The following RNPEP variants were observed in gnomAD, a reference collection of about 807,000 sequenced individuals.
RNPEP encodes aminopeptidase B.
In RNPEP, 57 loss-of-function variants were observed where a neutral mutation model predicts 70.1. That is an observed-to-expected ratio of 0.81 (90% CI 0.66 to 1.01). The LOEUF (loss-of-function observed/expected upper bound fraction) is 1.01. RNPEP is among the 50% of genes least tolerant of loss of function. The probability of loss-of-function intolerance (pLI) is 0.00; values close to 1 mark genes in which losing one functional copy is unlikely to be tolerated. For synonymous variants in RNPEP, 335 were observed against 357.4 expected (o/e 0.94, Z 0.71); for missense variants, 787 against 852.4 (o/e 0.92, Z 0.96).
At chr1:201,996,745 T>A (rs1410042619) in intron 4 of RNPEP, among the ~76,000 whole-genome samples, 1 of 152,062 alleles carries the variant, frequency 6.6e-6, no homozygotes, top group Non-Finnish European at 1.5e-5. Context: ...CTGTCCACCT[T>A]GGTCCCAAAG....
chr1:201,983,504 C>T (rs1558257267), intron 1 of RNPEP: 2 of 1,338,568 alleles, frequency 1.5e-6, no homozygotes, highest in Non-Finnish European at 2.0e-6. Flanking sequence ...CCCTCTTGGA[C>T]TTTTGGGCCG....
chr1:202,005,972 CG>C lies in RNPEP; in HGVS notation c.*259del. The C allele has an allele frequency of 2.2e-6, 1 of 464,666 alleles. No homozygotes were observed. The allele number at this position is 464,666 out of a possible 1,614,324, so 28.8% of individuals were successfully genotyped here. On this transcript the variant is annotated 3_prime_UTR_variant, in exon 11 of 11. Coordinates refer to ENST00000295640, the MANE Select transcript of RNPEP (RefSeq NM_020216.4). ...ACAGGCTGCAGGCACTGCAGGGCAG[CG>C]GGTATTCTCCTCCCCACCTAAGTCT...
At position 201,982,861 on chromosome 1, in the gene RNPEP, G is replaced by A. The variant is rs1682987889; in HGVS notation, c.195G>A (p.Leu65=). 2.2e-6 allele frequency: 3 copies of A among 1,386,374 alleles called. No individual in the cohort carries two copies. In the East Asian group the frequency reaches 9.2e-5, roughly 42 times the overall value. The allele number at this position is 1,386,374 out of a possible 1,614,324, so 85.9% of individuals were successfully genotyped here. The change falls in exon 1 of 11, where the codon CTG becomes CTA. Residue 65 remains leucine (L), a synonymous_variant. Transcript: ENST00000295640. ...GSRGLSGTAV[L]DLRCLEPEGA... is the part of the protein sequence containing the mutation. Reference sequence around the variant, plus strand: ...GGGGGCTGAGCGGCACCGCGGTCCTGGACCTGCGCTGCCTGGAGCCCGAGG... The same window carrying A: ...GGGGGCTGAGCGGCACCGCGGTCCTAGACCTGCGCTGCCTGGAGCCCGAGG...
In RNPEP at chr1:201,988,795, A is replaced by G. The variant is rs193280563; in HGVS notation, c.448-109A>G. On this transcript the variant is annotated intron_variant, in intron 1 of 10. Coordinates refer to ENST00000295640, the MANE Select transcript of RNPEP (RefSeq NM_020216.4). ...GTTCAAACCAGACTGGCTGGCGGAA[A>G]GGTTTTAAGGATTACCTAAAATTCT... is the stretch of plus-strand genomic sequence containing the variant. 24 of 1,334,728 alleles carry G rather than the reference A, an allele frequency of 1.8e-5. No individual in the cohort carries two copies. In the African/African-American group the frequency reaches 2.8e-4, roughly 16 times the overall value. 82.7% of individuals were successfully genotyped at this position (1,334,728 alleles called of 1,614,324 possible).
rs1175737504 is a variant in RNPEP at position 202,003,450 on chromosome 1, C to T, written c.1640C>T (p.Pro547Leu). The change falls in exon 9 of 11, where the codon CCT (proline) becomes CTT (leucine). Residue 547 changes from proline to leucine, a missense_variant. Transcript: ENST00000295640. ...YFLDKILQKSPLPPGNVKKLG... is the reference protein window; with the variant it reads ...YFLDKILQKSLLPPGNVKKLG... Reference sequence around the variant, plus strand: ...CTGGATAAGATCCTCCAGAAATCCCCTCTCCCTCCTGGTAAGAAAAAATGG... The same window carrying T: ...CTGGATAAGATCCTCCAGAAATCCCTTCTCCCTCCTGGTAAGAAAAAATGG... The T allele has an allele frequency of 1.9e-6, 3 of 1,612,042 alleles. No individual in the cohort carries two copies. The highest frequency in any genetic ancestry group is 1.7e-6 in the Non-Finnish European group (2 of 1,178,424).
chr1:202,005,989 A>G lies in RNPEP; in HGVS notation c.*273A>G, dbSNP rs923380210. 1 of 409,350 alleles carries G rather than the reference A, an allele frequency of 2.4e-6. No homozygotes were observed. Among genetic ancestry groups the G allele is most frequent in the Non-Finnish European group, 4.5e-6 (1 of 224,706 alleles). 25.4% of individuals were successfully genotyped at this position (409,350 alleles called of 1,614,324 possible). A position where few individuals can be genotyped will look rare whatever the true frequency, so the allele number is the denominator to read the frequency against. ...CAGGGCAGCGGGTATTCTCCTCCCC[A>G]CCTAAGTCTCTGGGAAGAAGTGGAG... On this transcript the variant is annotated 3_prime_UTR_variant, in exon 11 of 11. Coordinates refer to ENST00000295640, the MANE Select transcript of RNPEP (RefSeq NM_020216.4).
chr1:201,983,360 C>T (rs540194094), intron 1 of RNPEP: 1 of 1,496,130 alleles, frequency 6.7e-7, no homozygotes, highest in Non-Finnish European at 8.9e-7. Context: ...TCACCCTTTC[C>T]GTCCTTCCGC....
Position 201,988,261 on chromosome 1 carries a change from A to G in RNPEP, c.448-643A>G, listed in dbSNP as rs188354893. On this transcript the variant is annotated intron_variant, in intron 1 of 10. Coordinates refer to ENST00000295640, the MANE Select transcript of RNPEP (RefSeq NM_020216.4). ...GGTTGCTTGAGGCCAGGAGTTGGAG[A>G]CCAGCCTGGCCAACATGGTGAAACC... is the stretch of plus-strand genomic sequence containing the variant. Among the ~76,000 whole-genome samples the G allele has an allele frequency of 1.5e-3, 232 of 151,756 alleles. 1 individual carries two copies. Among genetic ancestry groups the G allele is most frequent in the African/African-American group, 5.3e-3 (221 of 41,382 alleles).
At chr1:201,989,110 A>G in intron 2 of RNPEP, 66 bp downstream of exon 2, 1 of 1,554,952 alleles carries the variant, frequency 6.4e-7, no homozygotes, top group South Asian at 1.2e-5. Flanking sequence ...TCTATCAATC[A>G]GGTCACGTTT....
Position 201,982,876 on chromosome 1 carries a change from G to A in RNPEP, c.210G>A (p.Leu70=). The A allele has an allele frequency of 7.1e-7, 1 of 1,401,848 alleles. No homozygotes were observed. The allele number at this position is 1,401,848 out of a possible 1,614,324, so 86.8% of individuals were successfully genotyped here. ...CCGCGGTCCTGGACCTGCGCTGCCTGGAGCCCGAGGGCGCCGCCGAGCTGC... is the reference window on the plus strand; with the variant it reads ...CCGCGGTCCTGGACCTGCGCTGCCTAGAGCCCGAGGGCGCCGCCGAGCTGC... ...SGTAVLDLRC[L]EPEGAAELRL... The change falls in exon 1 of 11, where the codon CTG becomes CTA. Residue 70 remains leucine, a synonymous_variant. Coordinates refer to ENST00000295640, the MANE Select transcript of RNPEP (RefSeq NM_020216.4).
rs1054932523 is a variant in RNPEP at position 202,002,502 on chromosome 1, C to T, written c.1426+735C>T. Among the ~76,000 whole-genome samples the T allele has an allele frequency of 1.2e-4, 18 of 152,156 alleles. 1 individual carries two copies. The highest frequency in any genetic ancestry group is 3.4e-4 in the African/African-American group (14 of 41,454). On this transcript the variant is annotated intron_variant, in intron 8 of 10. Coordinates refer to ENST00000295640, the MANE Select transcript of RNPEP (RefSeq NM_020216.4). ...GGAGGTACCACTTCCAAAGAAAAAA[C>T]GAAAAATGTCCTGTCATGGAAGACA...
At chr1:201,983,247 T>C (rs1683005728) in intron 1 of RNPEP, 134 bp downstream of exon 1, 1 of 1,429,796 alleles carries the variant, frequency 7.0e-7, no homozygotes, top group South Asian at 1.5e-5. Flanking sequence ...AGGGGCCTAC[T>C]CCCCGCGCGC....
chr1:201,993,806 C>G (rs760455003), intron 3 of RNPEP, among the ~76,000 whole-genome samples: 19 of 151,952 alleles, frequency 1.3e-4, no homozygotes, highest in Non-Finnish European at 2.8e-4. Flanking sequence ...CTCAAAAAAC[C>G]CTTAACTCCA....
chr1:201,989,648 A>C, intron 3 of RNPEP, 117 bp downstream of exon 3: 1 of 1,065,984 alleles, frequency 9.4e-7, no homozygotes, highest in Non-Finnish European at 1.4e-6. Flanking sequence ...GTCTGAGTCC[A>C]GAGCCTTTCT....
intron 1 of RNPEP, chr1:201,983,468 C>G (rs779667767): frequency 1.4e-6 from 2 of 1,393,886 alleles, no homozygotes; most frequent in Non-Finnish European, 1.9e-6. Flanking sequence ...TCTAGATGAC[C>G]TGTTGTTCAT....
At chr1:201,995,416 CTCAT>C (rs1381680550) in intron 3 of RNPEP, among the ~76,000 whole-genome samples, 23 of 152,296 alleles carry the variant, frequency 1.5e-4, no homozygotes, top group East Asian at 9.6e-4. Flanking sequence ...GACACAGTGG[CTCAT>C]GCCTATAATC....
intron 3 of RNPEP, chr1:201,995,785 TTACTG>T: frequency 5.2e-6 from 1 of 191,684 alleles, no homozygotes; most frequent in Non-Finnish European, 1.1e-5. Flanking sequence ...AAACTAACAT[TTACTG>T]TATAAATGTT....
At chr1:201,989,940 G>A (rs1683265421) in intron 3 of RNPEP, among the ~76,000 whole-genome samples, 1 of 151,998 alleles carries the variant, frequency 6.6e-6, no homozygotes, top group Non-Finnish European at 1.5e-5. Context: ...TGCCTCCTGG[G>A]TTCAAGCGAT....
chr1:202,005,597 A>G lies in RNPEP; in HGVS notation c.1834A>G (p.Met612Val), dbSNP rs1322704685. 6.2e-7 allele frequency: 1 copy of G among 1,614,182 alleles called. No homozygotes were observed. The highest frequency in any genetic ancestry group is 1.1e-5 in the South Asian group (1 of 91,074). The change falls in exon 11 of 11, where the codon ATG (methionine) becomes GTG (valine). Residue 612 changes from methionine (M) to valine (V), a missense_variant. Met to Val is a conservative substitution (Grantham distance 21, BLOSUM62 1). Transcript: ENST00000295640. ...KYTLPLYHAM[M>V]GGSEVAQTLA... is the part of the protein sequence containing the mutation. ...TACACTTCCGCTGTACCACGCAATG[A>G]TGGGTGGCAGTGAGGTGGCCCAGAC... is the stretch of plus-strand genomic sequence containing the variant.
Sources: gnomAD v4.1 joint callset for allele counts (sites outside exome capture counted in the v4.1 genomes callset) on GRCh38, gnomAD v4.1.1 for gene constraint, MANE v1.5 for transcripts, NCBI Gene and HGNC (gene_info 2026-07-23, HGNC 2026-07-21) for gene names.